The following KCND2 variants were observed in gnomAD, a reference collection of about 807,000 sequenced individuals.
The protein encoded by KCND2 is potassium voltage-gated channel subfamily D member 2, also known as A-type voltage-gated potassium channel KCND2.
In KCND2, 16 loss-of-function variants were observed where a neutral mutation model predicts 54.4. That is an observed-to-expected ratio of 0.29 (90% CI 0.20 to 0.45). The LOEUF is 0.45. Ranked by LOEUF, KCND2 falls within the 20% of genes least tolerant of loss-of-function variation. The pLI, the probability that KCND2 is intolerant of heterozygous loss-of-function variation, is 1.00. For missense variants in KCND2, 486 were observed against 824.2 expected (o/e 0.59, Z 5.02); for synonymous variants, 317 against 310.7 (o/e 1.02, Z -0.21).
At chr7:120,549,800 C>T (rs149907470) in intron 1 of KCND2, among the ~76,000 whole-genome samples, 2 of 152,004 alleles carry the variant, frequency 1.3e-5, no homozygotes, top group Non-Finnish European at 2.9e-5. Context: ...AACAAGTGCT[C>T]CATGAAGTAA....
intron 1 of KCND2, among the ~76,000 whole-genome samples, chr7:120,677,941 A>G (rs1792087163): frequency 6.6e-6 from 1 of 152,058 alleles, no homozygotes; most frequent in South Asian, 2.1e-4. Context: ...CATGAAACTA[A>G]TCGGTAGTCT....
chr7:120,665,583 G>T (rs1791917026), intron 1 of KCND2, among the ~76,000 whole-genome samples: 1 of 152,004 alleles, frequency 6.6e-6, no homozygotes, highest in Non-Finnish European at 1.5e-5. Flanking sequence ...GTGTATGCCT[G>T]TGGACTGGTA....
At chr7:120,412,729 T>C (rs970495208) in intron 1 of KCND2, among the ~76,000 whole-genome samples, 1 of 152,112 alleles carries the variant, frequency 6.6e-6, no homozygotes, top group African/African-American at 2.4e-5. Flanking sequence ...TATTCCAGAA[T>C]GCTTTCTCCA....
chr7:120,374,443 G>A (rs1411266931), intron 1 of KCND2, among the ~76,000 whole-genome samples: 9 of 151,598 alleles, frequency 5.9e-5, no homozygotes, highest in Non-Finnish European at 2.9e-5. Context: ...TCGAACTAGG[G>A]TTAATTACGT....
chr7:120,458,861 T>C (rs1243509625), intron 1 of KCND2, among the ~76,000 whole-genome samples: 2 of 150,540 alleles, frequency 1.3e-5, no homozygotes. Context: ...ATTATATTAT[T>C]AGCATTATTA....
intron 1 of KCND2, among the ~76,000 whole-genome samples, chr7:120,412,743 A>G (rs1217398800): frequency 1.3e-5 from 2 of 152,114 alleles, no homozygotes; most frequent in African/African-American, 4.8e-5. Flanking sequence ...TTCTCCACAC[A>G]GTTTGGGAGC....
chr7:120,569,647 C>A (rs1242674187), intron 1 of KCND2, among the ~76,000 whole-genome samples: 1 of 151,972 alleles, frequency 6.6e-6, no homozygotes, highest in South Asian at 2.1e-4. Flanking sequence ...AGAAAACTTT[C>A]TTTATGTTTT....
chr7:120,339,710 C>G (rs1376641110), intron 1 of KCND2, among the ~76,000 whole-genome samples: 2 of 152,076 alleles, frequency 1.3e-5, no homozygotes, highest in Admixed American at 1.3e-4. Flanking sequence ...TGCACACACA[C>G]ACAAATTATT....
chr7:120,550,893 A>C (rs1179639137), intron 1 of KCND2, among the ~76,000 whole-genome samples: 3 of 152,222 alleles, frequency 2.0e-5, no homozygotes, highest in Non-Finnish European at 2.9e-5. Context: ...GAAATACCTC[A>C]TTTTAAATGA....
rs903823918 is a variant in KCND2 at position 120,603,280 on chromosome 7, G to A, written c.1116-129623G>A. On this transcript the variant is annotated intron_variant, in intron 1 of 5. Transcript: ENST00000331113. ...TATAAGTTCTTTCTAGCTCCTCAAC[G>A]CCATAGGTTCTTTCTAGCTTCTCGA... Among the ~76,000 whole-genome samples, 9 of 152,228 alleles carry A rather than the reference G, an allele frequency of 5.9e-5. No individual in the cohort carries two copies. In the South Asian group the frequency reaches 6.2e-4, roughly 11 times the overall value.
chr7:120,494,861 A>G (rs529526338), intron 1 of KCND2, among the ~76,000 whole-genome samples: 1 of 152,334 alleles, frequency 6.6e-6, no homozygotes, highest in African/African-American at 2.4e-5. Context: ...CAGTATATCA[A>G]ATAGGACCTA....
chr7:120,401,506 T>C (rs1005197821), intron 1 of KCND2, among the ~76,000 whole-genome samples: 1 of 152,162 alleles, frequency 6.6e-6, no homozygotes, highest in Non-Finnish European at 1.5e-5. Flanking sequence ...TCAGTATTTC[T>C]AGGGAGCACA....
chr7:120,316,977 A>G (rs1799821425), intron 1 of KCND2, among the ~76,000 whole-genome samples: 1 of 151,960 alleles, frequency 6.6e-6, no homozygotes, highest in Non-Finnish European at 1.5e-5. Flanking sequence ...CTGGGACTAT[A>G]GGCGCATTCA....
At chr7:120,317,001 G>A (rs1159897941) in intron 1 of KCND2, among the ~76,000 whole-genome samples, 2 of 151,982 alleles carry the variant, frequency 1.3e-5, no homozygotes, top group East Asian at 1.9e-4. Context: ...ATGCCCAGCT[G>A]ATTTTTTGTA....
In KCND2 at chr7:120,547,255, G is replaced by A. The variant is rs1302545493; in HGVS notation, c.1116-185648G>A. ...TGAATCAAATTTAGCCAGCCTTGGA[G>A]GTACTTGACCAAAATCCCTTGGGCT... On this transcript the variant is annotated intron_variant, in intron 1 of 5. Transcript: ENST00000331113. Among the ~76,000 whole-genome samples the A allele has an allele frequency of 3.9e-5, 6 of 152,008 alleles. No homozygotes were observed. In the South Asian group the frequency reaches 8.3e-4, roughly 21 times the overall value.
At chr7:120,452,820 T>C (rs1226058636) in intron 1 of KCND2, among the ~76,000 whole-genome samples, 1 of 152,150 alleles carries the variant, frequency 6.6e-6, no homozygotes, top group African/African-American at 2.4e-5. Context: ...CCATGTTCTC[T>C]AGGAGACTTT....
At chr7:120,420,856 C>T (rs1296595686) in intron 1 of KCND2, among the ~76,000 whole-genome samples, 3 of 152,038 alleles carry the variant, frequency 2.0e-5, no homozygotes, top group South Asian at 2.1e-4. Flanking sequence ...ATCAGAATCC[C>T]GCATTATTAA....
intron 1 of KCND2, among the ~76,000 whole-genome samples, chr7:120,351,357 G>T (rs959194809): frequency 8.5e-6 from 1 of 117,508 alleles, no homozygotes; most frequent in African/African-American, 3.2e-5. Context: ...CAAAAAAATC[G>T]AAGAGCATAC....
At chr7:120,589,051 AG>A (rs1317067109) in intron 1 of KCND2, among the ~76,000 whole-genome samples, 1 of 152,208 alleles carries the variant, frequency 6.6e-6, no homozygotes, top group Non-Finnish European at 1.5e-5. Context: ...CTGAGGACAC[AG>A]GTCAAAGTGG....
Sources: gnomAD v4.1 joint callset for allele counts (sites outside exome capture counted in the v4.1 genomes callset) on GRCh38, gnomAD v4.1.1 for gene constraint, MANE v1.5 for transcripts, NCBI Gene and HGNC (gene_info 2026-07-23, HGNC 2026-07-21) for gene names.